The following DMD variants were observed in gnomAD, a reference collection of about 807,000 sequenced individuals.
DMD encodes the protein dystrophin, also known as mutant dystrophin.
In DMD, 63 loss-of-function variants were observed where a neutral mutation model predicts 330.1. That is an observed-to-expected ratio of 0.19 (90% CI 0.16 to 0.24). The LOEUF (loss-of-function observed/expected upper bound fraction) is 0.24, where lower values mean the gene tolerates loss of function less well. DMD is among the 10% of genes least tolerant of loss of function. The pLI is 1.00. For missense variants in DMD, 3,344 were observed against 2,684.1 expected, an observed-to-expected ratio of 1.25 and a Z score of -5.43; for synonymous variants, 1,223 against 959.8, an observed-to-expected ratio of 1.27 and a Z score of -5.07.
intron 2 of DMD, among the ~76,000 whole-genome samples, chrX:32,982,320 T>C (rs2092726312): frequency 8.9e-6 from 1 of 111,799 alleles, no homozygotes; most frequent in East Asian, 2.8e-4. Context: ...AACCTAGCAC[T>C]GTACATGACA....
intron 11 of DMD, among the ~76,000 whole-genome samples, chrX:32,627,091 T>C (rs1009395235): frequency 2.0e-5 from 2 of 101,198 alleles, no homozygotes; most frequent in Non-Finnish European, 3.8e-5. Flanking sequence ...TAAAAAACTA[T>C]CCAACCAGGT....
intron 9 of DMD, among the ~76,000 whole-genome samples, chrX:32,663,961 T>C (rs1472466171): frequency 9.0e-6 from 1 of 110,809 alleles, no homozygotes; most frequent in African/African-American, 3.3e-5. Context: ...GAGGAGGTGA[T>C]TGTGCATGGG....
At chrX:32,428,953 T>C (rs1283738983) in intron 29 of DMD, among the ~76,000 whole-genome samples, 1 of 111,441 alleles carries the variant, frequency 9.0e-6, no homozygotes, top group Non-Finnish European at 1.9e-5. Context: ...TTACTCCATT[T>C]TTTGCCTAAT....
chrX:31,503,791 T>C (rs767056164), intron 56 of DMD, among the ~76,000 whole-genome samples: 16 of 110,662 alleles, frequency 1.4e-4, no homozygotes, highest in African/African-American at 5.2e-4. Flanking sequence ...AAAATAGAAT[T>C]TATTGATTCT....
At chrX:31,982,099 T>A (rs1481756788) in intron 44 of DMD, among the ~76,000 whole-genome samples, 2 of 112,364 alleles carry the variant, frequency 1.8e-5, no homozygotes, top group Non-Finnish European at 1.9e-5. Context: ...ACACCAGACA[T>A]GTGTGCCTGT....
intron 1 of DMD, among the ~76,000 whole-genome samples, chrX:33,178,075 T>G (rs1276480593): frequency 3.6e-5 from 4 of 112,289 alleles, no homozygotes; most frequent in African/African-American, 9.7e-5. Context: ...ATCTAAAGTA[T>G]TGTCACTAGA....
chrX:33,113,590 G>GC (rs35940958), intron 1 of DMD, among the ~76,000 whole-genome samples: 10 of 102,327 alleles, frequency 9.8e-5, no homozygotes, highest in South Asian at 4.9e-4. Context: ...CATCATTCTT[G>GC]CCCCCCCCCC....
chrX:32,658,662 G>T (rs750446095), intron 9 of DMD, among the ~76,000 whole-genome samples: 1 of 110,422 alleles, frequency 9.1e-6, no homozygotes, highest in Non-Finnish European at 1.9e-5. Flanking sequence ...CCCTCCAATT[G>T]ATTCTCATTG....
At chrX:31,818,965 C>G (rs1489408305) in intron 50 of DMD, among the ~76,000 whole-genome samples, 1 of 110,554 alleles carries the variant, frequency 9.0e-6, no homozygotes. Flanking sequence ...TAAAAATCAA[C>G]TTTACCTGAA....
At chrX:31,307,181 A>G (rs1218943213) in intron 62 of DMD, among the ~76,000 whole-genome samples, 1 of 111,557 alleles carries the variant, frequency 9.0e-6, no homozygotes. Flanking sequence ...AGTTATAGTT[A>G]CAGTTACAGT....
At chrX:32,617,737 G>A (rs2057693766) in intron 11 of DMD, among the ~76,000 whole-genome samples, 2 of 110,465 alleles carry the variant, frequency 1.8e-5, no homozygotes, top group Non-Finnish European at 3.8e-5. Flanking sequence ...AAAAATTTCT[G>A]CACAGCAAAA....
At chrX:31,632,385 G>C (rs1310941402) in intron 54 of DMD, among the ~76,000 whole-genome samples, 1 of 111,582 alleles carries the variant, frequency 9.0e-6, no homozygotes, top group African/African-American at 3.3e-5. Context: ...AACATATTGA[G>C]TATTTTTAGA....
At chrX:31,686,233 A>G (rs757028247) in intron 52 of DMD, among the ~76,000 whole-genome samples, 12 of 112,731 alleles carry the variant, frequency 1.1e-4, no homozygotes, top group Admixed American at 2.8e-4. Context: ...TACCTTCAAT[A>G]AATGTCTGTC....
chrX:31,224,716 AAT>A (rs1346302447), intron 63 of DMD, among the ~76,000 whole-genome samples: 3 of 112,470 alleles, frequency 2.7e-5, no homozygotes, highest in Non-Finnish European at 5.6e-5. Flanking sequence ...CTTTATTCAT[AAT>A]AGTCAAAAAC....
At chrX:31,239,629 G>C (rs964929834) in intron 63 of DMD, among the ~76,000 whole-genome samples, 18 of 111,534 alleles carry the variant, frequency 1.6e-4, no homozygotes, top group African/African-American at 4.2e-4. Flanking sequence ...CTCCCAATTC[G>C]AACAGAGGGC....
chrX:31,709,584 C>CTGTGTGTG lies in DMD; in HGVS notation c.7660+20039_7660+20046dup, dbSNP rs55768943. Among the ~76,000 whole-genome samples the CTGTGTGTG allele has an allele frequency of 4.6e-3, 433 of 94,032 alleles. 4 individuals are homozygous for CTGTGTGTG. The highest frequency in any genetic ancestry group is 5.4e-3 in the Middle Eastern group (1 of 186). 81.7% of individuals were successfully genotyped at this position (94,032 alleles called of 115,157 possible). ...TCTCTCTCTCTCTCTCTCTCTCTGT[C>CTGTGTGTG]TGTGTGTGTGTGTGTGTGTGTGTGT... On this transcript the variant is annotated intron_variant, in intron 52 of 78. Transcript: ENST00000357033.
chrX:31,242,083 C>T (rs1402178344), intron 63 of DMD, among the ~76,000 whole-genome samples: 2 of 108,155 alleles, frequency 1.8e-5, no homozygotes, highest in East Asian at 5.8e-4. Context: ...TGGCAAAACC[C>T]TGTCTCTACC....
chrX:32,385,083 A>G (rs1356650142), intron 33 of DMD, among the ~76,000 whole-genome samples: 1 of 111,135 alleles, frequency 9.0e-6, no homozygotes, highest in Non-Finnish European at 1.9e-5. Context: ...ACAACAAAAG[A>G]CCCAGAATAG....
intron 1 of DMD, among the ~76,000 whole-genome samples, chrX:33,070,169 GAAAT>G (rs2094723870): frequency 8.9e-6 from 1 of 111,736 alleles, no homozygotes; most frequent in South Asian, 3.7e-4. Flanking sequence ...TCTAAACATT[GAAAT>G]AAATGATTAT....
Sources: allele counts gnomAD v4.1 joint callset (sites outside exome capture counted in the v4.1 genomes callset), GRCh38; gene constraint gnomAD v4.1.1; transcripts MANE v1.5; gene names NCBI Gene and HGNC (gene_info 2026-07-23, HGNC 2026-07-21).